The following DGKG variants were observed in gnomAD, a reference collection of about 807,000 sequenced individuals.
DGKG encodes the protein diacylglycerol kinase gamma, also known as DAG kinase gamma.
DGKG carries 78 observed loss-of-function variants against 105.3 expected under a neutral mutation model. That is an observed-to-expected ratio of 0.74 (90% CI 0.62 to 0.89). The LOEUF is 0.89. Ranked by LOEUF, DGKG falls within the 40% of genes least tolerant of loss-of-function variation. The pLI, the probability that DGKG is intolerant of heterozygous loss-of-function variation, is 0.00. For synonymous variants in DGKG, 346 were observed against 367.1 expected, an observed-to-expected ratio of 0.94 and a Z score of 0.66; for missense variants, 958 against 1,020.1, an observed-to-expected ratio of 0.94 and a Z score of 0.83.
At chr3:186,293,090 A>T (rs930171138) in intron 5 of DGKG, among the ~76,000 whole-genome samples, 2 of 152,218 alleles carry the variant, frequency 1.3e-5, no homozygotes, top group Non-Finnish European at 2.9e-5. Flanking sequence ...CCAGAGTGGT[A>T]CATTTGTTAC....
chr3:186,337,416 C>A (rs1195170522), intron 1 of DGKG, among the ~76,000 whole-genome samples: 3 of 151,324 alleles, frequency 2.0e-5, no homozygotes, highest in Non-Finnish European at 3.0e-5. Flanking sequence ...AAAAAACAAA[C>A]AAAAAAACAA....
At chr3:186,281,441 G>C (rs1420739929) in intron 7 of DGKG, among the ~76,000 whole-genome samples, 2 of 152,206 alleles carry the variant, frequency 1.3e-5, no homozygotes, top group Non-Finnish European at 2.9e-5. Flanking sequence ...AAACACACCA[G>C]ACTGAAGAGG....
chr3:186,312,122 CAAAAAAAAAAAAAAAAAAAAAAAA>C lies in DGKG; in HGVS notation c.68-5169_68-5146del, dbSNP rs34286105. Among the ~76,000 whole-genome samples, 4 of 17,466 alleles carry C rather than the reference CAAAAAAAAAAAAAAAAAAAAAAAA, an allele frequency of 2.3e-4. 1 individual carries two copies. The South Asian group carries it at 0.015, about 64-fold the overall frequency. The allele number at this position is 17,466 out of a possible 152,430, so 11.5% of individuals were successfully genotyped here. ...TGGGCGACAGAGCGAGACTCCGTCT[CAAAAAAAAAAAAAAAAAAAAAAAA>C]AAAAAAAAAAAAGAACACAGAGTAT... On this transcript the variant is annotated intron_variant, in intron 2 of 24. Transcript: ENST00000265022.
intron 5 of DGKG, among the ~76,000 whole-genome samples, chr3:186,295,406 G>T (rs1185676943): frequency 2.6e-5 from 4 of 151,744 alleles, no homozygotes; most frequent in Admixed American, 6.6e-5. Flanking sequence ...AGAGACTGAG[G>T]CTCAAGAATC....
chr3:186,264,177 T>C (rs1721927954), intron 14 of DGKG, among the ~76,000 whole-genome samples: 1 of 152,248 alleles, frequency 6.6e-6, no homozygotes, highest in South Asian at 2.1e-4. Flanking sequence ...CCTGTGTGTG[T>C]TTCCCACCTT....
chr3:186,160,363 A>G (rs1716235936), intron 24 of DGKG: 1 of 985,246 alleles, frequency 1.0e-6, no homozygotes, highest in Non-Finnish European at 1.2e-6. Context: ...TGGAGATAAA[A>G]GGAACTTGGA....
intron 24 of DGKG, among the ~76,000 whole-genome samples, chr3:186,156,082 A>G (rs1019446205): frequency 2.0e-5 from 3 of 152,102 alleles, no homozygotes; most frequent in Non-Finnish European, 2.9e-5. Flanking sequence ...GATTGCAAAC[A>G]TCTTGTCCTT....
At chr3:186,250,112 C>G (rs951339358) in intron 19 of DGKG, among the ~76,000 whole-genome samples, 1 of 152,032 alleles carries the variant, frequency 6.6e-6, no homozygotes, top group South Asian at 2.1e-4. Flanking sequence ...CACCACCATG[C>G]GAGTCAAGGG....
chr3:186,341,193 G>C (rs1726068892), intron 1 of DGKG, among the ~76,000 whole-genome samples: 1 of 152,200 alleles, frequency 6.6e-6, no homozygotes, highest in Non-Finnish European at 1.5e-5. Context: ...TTGGGATTCT[G>C]GGATAACAAA....
rs1290205404 is a variant in DGKG, at chr3:186,210,156, A to G, written c.1917+1639T>C. Among the ~76,000 whole-genome samples, 1 of 152,162 alleles carries G rather than the reference A, an allele frequency of 6.6e-6. No homozygotes were observed. Among genetic ancestry groups the G allele is most frequent in the Non-Finnish European group, 1.5e-5 (1 of 68,028 alleles). On this transcript the variant is annotated intron_variant, in intron 21 of 24. Transcript: ENST00000265022. The surrounding 1 kb of genome is among the most constrained non-coding windows in gnomAD (Gnocchi z 5.2). ...AGAGGCAGGGGAGCTGAGTTGCTGT[A>G]TTCTGGGCACAATTTCAAGGCCAGC... is the stretch of plus-strand genomic sequence containing the variant.
chr3:186,245,130 C>T (rs1033543709), intron 19 of DGKG, among the ~76,000 whole-genome samples: 39 of 152,240 alleles, frequency 2.6e-4, no homozygotes, highest in Middle Eastern at 6.8e-3. Context: ...TTTTTATTCT[C>T]CGGGATATGT....
chr3:186,207,871 C>T (rs1489741058), intron 21 of DGKG, among the ~76,000 whole-genome samples: 1 of 152,154 alleles, frequency 6.6e-6, no homozygotes, highest in Non-Finnish European at 1.5e-5. Context: ...CCATATTGAA[C>T]AGCTTTTGTG....
chr3:186,188,458 G>A (rs56840967), intron 21 of DGKG, 79 bp from the exon 22 acceptor site: 4,381 of 205,318 alleles, frequency 0.021, 122 homozygotes, highest in African/African-American at 0.09. Flanking sequence ...GTGTGCGTGC[G>A]TGTGTGTGTG....
In DGKG at chr3:186,334,872, A is replaced by G. The variant is rs572607415; in HGVS notation, c.-248-14165T>C. ...TTGGCTTGTGGCAGTACTTGGCATA[A>G]GAAAGTCATCGAGAAAATGCAAATA... is the stretch of plus-strand genomic sequence containing the variant. On this transcript the variant is annotated intron_variant, in intron 1 of 24. Coordinates refer to ENST00000265022, the MANE Select transcript of DGKG (RefSeq NM_001346.3). 2.6e-5 allele frequency among the ~76,000 whole-genome samples: 4 copies of G among 152,324 alleles called. No individual in the cohort carries two copies. In the South Asian group the frequency reaches 8.3e-4, roughly 32 times the overall value.
chr3:186,189,148 C>G (rs1263375051), intron 21 of DGKG, among the ~76,000 whole-genome samples: 4 of 152,200 alleles, frequency 2.6e-5, no homozygotes, highest in Non-Finnish European at 4.4e-5. Context: ...TATTTTATCT[C>G]TCTGTGAGAA....
At chr3:186,234,107 G>C (rs1720295990) in intron 20 of DGKG, among the ~76,000 whole-genome samples, 1 of 152,158 alleles carries the variant, frequency 6.6e-6, no homozygotes, top group African/African-American at 2.4e-5. Flanking sequence ...TCCTATTTGG[G>C]GCTTAACCCA....
At chr3:186,224,550 G>A (rs1578688804) in intron 20 of DGKG, among the ~76,000 whole-genome samples, 1 of 152,166 alleles carries the variant, frequency 6.6e-6, no homozygotes, top group Admixed American at 6.5e-5. Flanking sequence ...GTAAAATATT[G>A]GTCTCAAGAG....
intron 12 of DGKG, 122 bp downstream of exon 12, chr3:186,268,655 GGCATTGAATAGGCGCTGTGGGGTC>G (rs1722171486): frequency 4.9e-6 from 3 of 608,684 alleles, no homozygotes; most frequent in Non-Finnish European, 8.8e-6. Flanking sequence ...TTAGGCTGAG[GGCATTGAATAGGCGCTGTGGGGTC>G]CTCCTAGCCT....
chr3:186,205,207 A>G lies in DGKG; in HGVS notation c.1917+6588T>C, dbSNP rs1005621879. ...GGAAGGCAGAGGTTGCAGTGAGCCG[A>G]GATTGTGCCATTGCACTCCAGCCTG... On this transcript the variant is annotated intron_variant, in intron 21 of 24. Transcript: ENST00000265022. Among the ~76,000 whole-genome samples the G allele has an allele frequency of 4.1e-5, 6 of 145,944 alleles. No homozygotes were observed. In the East Asian group the frequency reaches 1.3e-3, roughly 31 times the overall value.
Sources: allele counts gnomAD v4.1 joint callset (sites outside exome capture counted in the v4.1 genomes callset), GRCh38; gene constraint gnomAD v4.1.1; non-coding constraint Gnocchi (gnomAD v3.1); transcripts MANE v1.5; gene names NCBI Gene and HGNC (gene_info 2026-07-23, HGNC 2026-07-21).